Variants in TMEM117 observed in about 807,000 individuals in gnomAD.
TMEM117 encodes the protein transmembrane protein 117.
A neutral mutation model predicts 52.4 loss-of-function variants in TMEM117; 27 were observed. The ratio of observed to expected loss-of-function variants is 0.51; its 90% confidence interval spans 0.38 to 0.71. The LOEUF is 0.71. Ranked by LOEUF, TMEM117 falls within the 30% of genes least tolerant of loss-of-function variation. TMEM117 has a pLI of 0.00. For missense variants in TMEM117, 556 were observed against 630.5 expected, an observed-to-expected ratio of 0.88 and a Z score of 1.26; for synonymous variants, 215 against 206.3, an observed-to-expected ratio of 1.04 and a Z score of -0.36.
intron 3 of TMEM117, among the ~76,000 whole-genome samples, chr12:44,131,950 T>C (rs1473139879): frequency 6.6e-6 from 1 of 152,172 alleles, no homozygotes; most frequent in Non-Finnish European, 1.5e-5. Context: ...TCCTTGTTTT[T>C]ATTTCATTTT....
chr12:44,149,735 G>A (rs973940724), intron 4 of TMEM117, among the ~76,000 whole-genome samples: 4 of 152,260 alleles, frequency 2.6e-5, no homozygotes, highest in African/African-American at 7.2e-5. Context: ...ATTCTGTCTG[G>A]AATTGAGTTT....
intron 5 of TMEM117, among the ~76,000 whole-genome samples, chr12:44,293,972 C>G (rs1391052871): frequency 6.6e-6 from 1 of 152,088 alleles, no homozygotes; most frequent in African/African-American, 2.4e-5. Context: ...CTTCAGCATT[C>G]TTTTAAAAGT....
At chr12:43,846,512 A>G (rs1943210856) in intron 2 of TMEM117, among the ~76,000 whole-genome samples, 1 of 152,206 alleles carries the variant, frequency 6.6e-6, no homozygotes, top group South Asian at 2.1e-4. Context: ...ATTTTTGCCT[A>G]GAGGTAGGTG....
intron 5 of TMEM117, among the ~76,000 whole-genome samples, chr12:44,228,020 G>T (rs1949885359): frequency 7.1e-6 from 1 of 141,106 alleles, no homozygotes; most frequent in Non-Finnish European, 1.6e-5. Flanking sequence ...AAACCTGGAG[G>T]TTAAGGGTAG....
intron 4 of TMEM117, among the ~76,000 whole-genome samples, chr12:44,200,471 G>A (rs900675032): frequency 1.3e-5 from 2 of 152,042 alleles, no homozygotes; most frequent in African/African-American, 2.4e-5. Flanking sequence ...TGTTAAAAAA[G>A]GAAACAAGCC....
At chr12:44,391,233 TTAAA>T (rs1171208767), downstream of TMEM117, among the ~76,000 whole-genome samples, 2 of 152,122 alleles carry the variant, frequency 1.3e-5, no homozygotes, top group Non-Finnish European at 2.9e-5. Context: ...AAATGGAAAA[TTAAA>T]TAAACACTAT....
intron 2 of TMEM117, among the ~76,000 whole-genome samples, chr12:43,883,626 A>G (rs929131476): frequency 1.3e-5 from 2 of 152,224 alleles, no homozygotes; most frequent in Non-Finnish European, 1.5e-5. Flanking sequence ...CTTTTAATGT[A>G]GAGACCCTGG....
chr12:44,196,906 T>G (rs1949428093), intron 4 of TMEM117, among the ~76,000 whole-genome samples: 1 of 152,226 alleles, frequency 6.6e-6, no homozygotes, highest in East Asian at 1.9e-4. Context: ...GAGTTACCAG[T>G]CTTTTCTTGG....
intron 2 of TMEM117, among the ~76,000 whole-genome samples, chr12:43,875,724 A>G (rs1341359978): frequency 5.9e-5 from 9 of 152,190 alleles, no homozygotes; most frequent in Non-Finnish European, 1.2e-4. Flanking sequence ...TTTATTTACT[A>G]TTGAAAGGAA....
intron 4 of TMEM117, among the ~76,000 whole-genome samples, chr12:44,182,619 C>T (rs1184660988): frequency 6.6e-6 from 1 of 152,178 alleles, no homozygotes; most frequent in South Asian, 2.1e-4. Flanking sequence ...TACCTGACAT[C>T]TTATCATGTC....
chr12:44,230,424 C>A (rs1949917573), intron 5 of TMEM117, among the ~76,000 whole-genome samples: 1 of 151,960 alleles, frequency 6.6e-6, no homozygotes, highest in African/African-American at 2.4e-5. Context: ...CCTCTACATC[C>A]AATCAGGTCC....
intron 3 of TMEM117, among the ~76,000 whole-genome samples, chr12:44,006,685 A>G (rs1946201937): frequency 6.6e-6 from 1 of 152,168 alleles, no homozygotes; most frequent in African/African-American, 2.4e-5. Context: ...GGAAACTTTG[A>G]ATAACCAGAT....
rs901826867 is a variant in TMEM117 at position 44,261,732 on chromosome 12, A to C, written c.609-37848A>C. On this transcript the variant is annotated intron_variant, in intron 5 of 7. Transcript: ENST00000266534. ...AAAACCACAGTAATTTTCCCAGTTT[A>C]GTGGTAAATTGAGAAGTAGGAATCT... Among the ~76,000 whole-genome samples the C allele has an allele frequency of 4.6e-5, 7 of 152,206 alleles. No individual in the cohort carries two copies. The South Asian group carries it at 1.2e-3, about 27-fold the overall frequency.
chr12:44,199,442 AAT>A (rs1949463799), intron 4 of TMEM117, among the ~76,000 whole-genome samples: 3 of 152,310 alleles, frequency 2.0e-5, no homozygotes, highest in Non-Finnish European at 2.9e-5. Flanking sequence ...TTTCACCTAA[AAT>A]ATTGTTCCTG....
intron 5 of TMEM117, among the ~76,000 whole-genome samples, chr12:44,283,335 T>C (rs1215089845): frequency 6.6e-6 from 1 of 151,884 alleles, no homozygotes; most frequent in Non-Finnish European, 1.5e-5. Flanking sequence ...CCACAAACAC[T>C]GAACGCCAGC....
At chr12:44,375,397 T>G (rs957784808) in intron 6 of TMEM117, among the ~76,000 whole-genome samples, 1 of 152,186 alleles carries the variant, frequency 6.6e-6, no homozygotes. Context: ...TTTAGCAGCT[T>G]GAAATGATCC....
intron 6 of TMEM117, among the ~76,000 whole-genome samples, chr12:44,363,823 A>T (rs1416758007): frequency 6.6e-6 from 1 of 152,172 alleles, no homozygotes; most frequent in African/African-American, 2.4e-5. Context: ...TGTTAGAGTG[A>T]ATTTTTCATT....
intron 6 of TMEM117, among the ~76,000 whole-genome samples, chr12:44,357,448 G>A (rs778028027): frequency 3.9e-4 from 60 of 152,096 alleles, no homozygotes; most frequent in Admixed American, 3.0e-3. Flanking sequence ...GAAGCACAGC[G>A]AAGTGACTAA....
chr12:43,917,657 G>T (rs1944628071), intron 2 of TMEM117, among the ~76,000 whole-genome samples: 1 of 152,060 alleles, frequency 6.6e-6, no homozygotes, highest in Non-Finnish European at 1.5e-5. Flanking sequence ...ATTTTTAAAA[G>T]ATCTTGGGCT....
Sources: allele counts gnomAD v4.1 joint callset (sites outside exome capture counted in the v4.1 genomes callset), GRCh38; gene constraint gnomAD v4.1.1; transcripts MANE v1.5; gene names NCBI Gene and HGNC (gene_info 2026-07-23, HGNC 2026-07-21).